ARID2: variants seen among roughly 807,000 people sequenced by gnomAD.
ARID2 encodes AT-rich interaction domain 2, also known as AT-rich interactive domain-containing protein 2.
Under a neutral mutation model 184.6 loss-of-function variants are expected in ARID2, and 32 were observed. The observed-to-expected ratio is 0.17, with a 90% CI of 0.13 to 0.23. The LOEUF (loss-of-function observed/expected upper bound fraction) is 0.23. ARID2 is among the 10% of genes least tolerant of loss of function. The pLI, the probability that ARID2 is intolerant of heterozygous loss-of-function variation, is 1.00. For synonymous variants in ARID2, 836 were observed against 772.6 expected, an observed-to-expected ratio of 1.08 and a Z score of -1.36; for missense variants, 1,696 against 2,197.6, an observed-to-expected ratio of 0.77 and a Z score of 4.56.
intron 16 of ARID2, among the ~76,000 whole-genome samples, chr12:45,866,633 T>C (rs1033414638): frequency 6.6e-6 from 1 of 152,244 alleles, no homozygotes; most frequent in African/African-American, 2.4e-5. Flanking sequence ...ATTTCTTTGC[T>C]GATCTGATAG....
intron 3 of ARID2, among the ~76,000 whole-genome samples, chr12:45,734,293 C>T (rs1199446238): frequency 3.9e-5 from 6 of 152,034 alleles, no homozygotes; most frequent in African/African-American, 7.2e-5. Flanking sequence ...TGCTTGAGCC[C>T]GGGAGTCGGA....
intron 6 of ARID2, among the ~76,000 whole-genome samples, chr12:45,824,333 A>G (rs1447797554): frequency 6.6e-6 from 1 of 151,950 alleles, no homozygotes; most frequent in African/African-American, 2.4e-5. Flanking sequence ...CAAATAGGGG[A>G]AAAACTGAAA....
intron 3 of ARID2, among the ~76,000 whole-genome samples, chr12:45,808,238 G>T (rs1942637886): frequency 6.6e-6 from 1 of 152,176 alleles, no homozygotes; most frequent in African/African-American, 2.4e-5. Flanking sequence ...TTGTGTTTTA[G>T]CTGTGTTCTC....
At chr12:45,810,022 C>T (rs1942675433) in intron 3 of ARID2, among the ~76,000 whole-genome samples, 2 of 152,160 alleles carry the variant, frequency 1.3e-5, no homozygotes, top group East Asian at 1.9e-4. Context: ...AGCTGCCAAG[C>T]TTTTAAGTAG....
intron 6 of ARID2, among the ~76,000 whole-genome samples, chr12:45,833,198 T>A (rs1174064444): frequency 6.6e-6 from 1 of 152,198 alleles, no homozygotes; most frequent in Non-Finnish European, 1.5e-5. Context: ...TTTTTTGACT[T>A]TACTATGGTT....
chr12:45,809,529 T>G (rs1276355797), intron 3 of ARID2, among the ~76,000 whole-genome samples: 2 of 152,238 alleles, frequency 1.3e-5, no homozygotes, highest in Non-Finnish European at 2.9e-5. Flanking sequence ...TTTTGTGTTC[T>G]TAGACTGTAA....
intron 11 of ARID2, among the ~76,000 whole-genome samples, chr12:45,845,339 G>C (rs1943422802): frequency 6.6e-6 from 1 of 152,100 alleles, no homozygotes; most frequent in South Asian, 2.1e-4. Flanking sequence ...GAAAAGATAA[G>C]CTAGGATTGC....
chr12:45,801,386 T>C (rs1942499755), intron 3 of ARID2, among the ~76,000 whole-genome samples: 1 of 151,802 alleles, frequency 6.6e-6, no homozygotes. Flanking sequence ...CAATGGATGC[T>C]AAAACTAGCA....
In ARID2 at chr12:45,906,763, GAGCAAATGTAGAGAAC is replaced by G. The variant is rs1354185060; in HGVS notation, c.*1694_*1709del. 4.3e-6 allele frequency: 1 copy of G among 231,958 alleles called. No homozygotes were observed. Among genetic ancestry groups the G allele is most frequent in the Non-Finnish European group, 8.5e-6 (1 of 117,382 alleles). 14.4% of individuals were successfully genotyped at this position (231,958 alleles called of 1,614,324 possible). On this transcript the variant is annotated 3_prime_UTR_variant, in exon 21 of 21. Coordinates refer to ENST00000334344, the MANE Select transcript of ARID2 (RefSeq NM_152641.4). ...TTATTTTTCATCTTGTTATAATGCA[GAGCAAATGTAGAGAAC>G]AGCAAATGATTGATGCAGTTAAAGC...
chr12:45,828,776 C>G (rs1207098493), intron 6 of ARID2, among the ~76,000 whole-genome samples: 1 of 151,696 alleles, frequency 6.6e-6, no homozygotes, highest in African/African-American at 2.4e-5. Flanking sequence ...TATATTTTGT[C>G]CATTTTTAAA....
chr12:45,776,408 A>G (rs984150633), intron 3 of ARID2: 4 of 152,252 alleles, frequency 2.6e-5, no homozygotes, highest in African/African-American at 9.6e-5. Context: ...AACTGTCCAA[A>G]TTTCTGGCTG....
rs71067909 is a variant in ARID2, at chr12:45,901,154, A to ATTTTTTTT, written c.5364-3753_5364-3746dup. 8.2e-4 allele frequency among the ~76,000 whole-genome samples: 37 copies of ATTTTTTTT among 44,966 alleles called. 6 individuals are homozygous for ATTTTTTTT. The highest frequency in any genetic ancestry group is 9.6e-4 in the Non-Finnish European group (27 of 28,212). 29.5% of individuals were successfully genotyped at this position (44,966 alleles called of 152,430 possible). A position where few individuals can be genotyped will look rare whatever the true frequency, so the allele number is the denominator to read the frequency against. On this transcript the variant is annotated intron_variant, in intron 20 of 20. Transcript: ENST00000334344. ...AATCTATTTTTTGGAAATTTCCTTA[A>ATTTTTTTT]TTTTTTTTTTTTTTTTTTTTTTTTT...
chr12:45,825,655 G>A (rs2138105391), intron 6 of ARID2, among the ~76,000 whole-genome samples: 1 of 152,202 alleles, frequency 6.6e-6, no homozygotes, highest in Middle Eastern at 3.4e-3. Context: ...TTGAGCCCAA[G>A]AGTTCAAGAC....
chr12:45,737,999 G>A (rs925923859), intron 3 of ARID2, among the ~76,000 whole-genome samples: 7 of 152,096 alleles, frequency 4.6e-5, no homozygotes, highest in Admixed American at 1.3e-4. Context: ...GTGTGTTTAT[G>A]TAATTTGGAT....
rs145397979 is a variant in ARID2 at position 45,904,650 on chromosome 12, C to T, written c.5364-284C>T. Reference sequence around the variant, plus strand: ...AGGTTGCAGTGAGCTAAGATTGCGCCATTACACTCCAGCCTGGCAATAGAG... The same window carrying T: ...AGGTTGCAGTGAGCTAAGATTGCGCTATTACACTCCAGCCTGGCAATAGAG... On this transcript the variant is annotated intron_variant, in intron 20 of 20. Coordinates refer to ENST00000334344, the MANE Select transcript of ARID2 (RefSeq NM_152641.4). Among the ~76,000 whole-genome samples, 4 of 138,166 alleles carry T rather than the reference C, an allele frequency of 2.9e-5. No homozygotes were observed. The East Asian group carries it at 8.9e-4, about 31-fold the overall frequency. The allele number at this position is 138,166 out of a possible 152,430, so 90.6% of individuals were successfully genotyped here.
Position 45,730,487 on chromosome 12 carries a change from C to CCGCT in ARID2, c.186+358_186+361dup, listed in dbSNP as rs542073719. On this transcript the variant is annotated intron_variant, in intron 2 of 20. Coordinates refer to ENST00000334344, the MANE Select transcript of ARID2 (RefSeq NM_152641.4). The stretch of plus-strand genomic sequence containing the variant: ...CCCGCCCCGCTCCCGCGCCGCCCGC[C>CCGCT]CGCTCGCTCGCGAGTCAGCTCTGCC... 2.8e-3 allele frequency among the ~76,000 whole-genome samples: 417 copies of CCGCT among 151,404 alleles called. 3 individuals are homozygous for CCGCT. Among genetic ancestry groups the CCGCT allele is most frequent in the African/African-American group, 9.3e-3 (387 of 41,450 alleles).
At chr12:45,763,330 C>T (rs751206208) in intron 3 of ARID2, among the ~76,000 whole-genome samples, 7 of 151,880 alleles carry the variant, frequency 4.6e-5, no homozygotes, top group African/African-American at 7.3e-5. Context: ...ATTAGCCGGG[C>T]GTGGAGGCAG....
At chr12:45,759,303 T>C (rs1941630917) in intron 3 of ARID2, among the ~76,000 whole-genome samples, 1 of 152,190 alleles carries the variant, frequency 6.6e-6, no homozygotes, top group African/African-American at 2.4e-5. Flanking sequence ...TATATGTGTA[T>C]ATGTGCACAT....
At chr12:45,893,902 A>G (rs1403581275) in intron 20 of ARID2, 181 bp downstream of exon 20, 1 of 462,278 alleles carries the variant, frequency 2.2e-6, no homozygotes. Context: ...AATAAATAGA[A>G]GTTAAAACAA....
Sources: allele counts gnomAD v4.1 joint callset (sites outside exome capture counted in the v4.1 genomes callset), GRCh38; gene constraint gnomAD v4.1.1; transcripts MANE v1.5; gene names NCBI Gene and HGNC (gene_info 2026-07-23, HGNC 2026-07-21).